Variants in NARS2 observed in about 807,000 individuals in gnomAD.
NARS2 encodes the protein asparaginyl-tRNA synthetase.
NARS2 carries 60 observed loss-of-function variants against 62.9 expected under a neutral mutation model. That is an observed-to-expected ratio of 0.95 (90% CI 0.77 to 1.18). The LOEUF is 1.18. NARS2 is among the 50% of genes most tolerant of loss of function. The probability of loss-of-function intolerance (pLI) is 0.00; values close to 1 mark genes in which losing one functional copy is unlikely to be tolerated. For synonymous variants in NARS2, 196 were observed against 200.0 expected, an observed-to-expected ratio of 0.98 and a Z score of 0.17; for missense variants, 619 against 576.4, an observed-to-expected ratio of 1.07 and a Z score of -0.76.
intron 11 of NARS2, among the ~76,000 whole-genome samples, chr11:78,446,408 T>A (rs1220984576): frequency 1.3e-5 from 2 of 152,240 alleles, no homozygotes; most frequent in African/African-American, 4.8e-5. Context: ...CCTGCAGTTA[T>A]CCCTTCTGTC....
At chr11:78,568,348 G>C (rs1487910924) in intron 3 of NARS2, among the ~76,000 whole-genome samples, 2 of 151,986 alleles carry the variant, frequency 1.3e-5, no homozygotes, top group Non-Finnish European at 2.9e-5. Context: ...CTAAGAATGA[G>C]CCCACCCTGG....
intron 4 of NARS2, among the ~76,000 whole-genome samples, chr11:78,560,761 T>A (rs769031221): frequency 6.6e-6 from 1 of 152,248 alleles, no homozygotes; most frequent in East Asian, 1.9e-4. Context: ...TATTAAAATG[T>A]ACACTTAATC....
intron 6 of NARS2, among the ~76,000 whole-genome samples, chr11:78,520,973 G>A (rs947414364): frequency 1.3e-4 from 20 of 150,668 alleles, no homozygotes; most frequent in African/African-American, 3.7e-4. Flanking sequence ...CAGGAAAATC[G>A]CTTGAACCCG....
intron 11 of NARS2, among the ~76,000 whole-genome samples, chr11:78,450,418 G>C (rs564586112): frequency 6.6e-6 from 1 of 152,236 alleles, no homozygotes; most frequent in East Asian, 1.9e-4. Flanking sequence ...TGGTATGCAG[G>C]AGGAACACAT....
intron 5 of NARS2, among the ~76,000 whole-genome samples, chr11:78,532,017 T>C (rs542662575): frequency 1.3e-5 from 2 of 152,336 alleles, no homozygotes; most frequent in South Asian, 2.1e-4. Flanking sequence ...AAATGCTTAA[T>C]TTTATGACAT....
chr11:78,486,037 G>A (rs766151959), intron 7 of NARS2, among the ~76,000 whole-genome samples: 2 of 152,096 alleles, frequency 1.3e-5, no homozygotes, highest in Non-Finnish European at 2.9e-5. Flanking sequence ...ACCATGCCCA[G>A]CTAATTTTTG....
At chr11:78,486,786 C>T (rs529296704) in intron 7 of NARS2, among the ~76,000 whole-genome samples, 1 of 152,184 alleles carries the variant, frequency 6.6e-6, no homozygotes, top group Non-Finnish European at 1.5e-5. Flanking sequence ...GACACATACA[C>T]ATAGAAGACT....
intron 5 of NARS2, among the ~76,000 whole-genome samples, chr11:78,536,166 G>C (rs918720379): frequency 6.6e-6 from 1 of 152,116 alleles, no homozygotes; most frequent in African/African-American, 2.4e-5. Context: ...CATTACTCAC[G>C]TATTTGTGGT....
chr11:78,556,397 G>A (rs1856354805), intron 5 of NARS2, among the ~76,000 whole-genome samples: 1 of 152,090 alleles, frequency 6.6e-6, no homozygotes, highest in Non-Finnish European at 1.5e-5. Context: ...TGAAAACCAT[G>A]GAACTGTATA....
intron 11 of NARS2, among the ~76,000 whole-genome samples, chr11:78,450,831 C>T (rs908233017): frequency 3.9e-5 from 6 of 152,108 alleles, no homozygotes; most frequent in East Asian, 1.9e-4. Flanking sequence ...CATGCCACCA[C>T]GCCTGGCTAA....
chr11:78,570,644 G>C (rs1218798302), intron 2 of NARS2, among the ~76,000 whole-genome samples: 1 of 152,222 alleles, frequency 6.6e-6, no homozygotes, highest in Non-Finnish European at 1.5e-5. Flanking sequence ...GCCTCCCAAA[G>C]TGCTAGGACT....
At chr11:78,499,918 G>C (rs897211932) in intron 6 of NARS2, among the ~76,000 whole-genome samples, 1 of 152,086 alleles carries the variant, frequency 6.6e-6, no homozygotes, top group South Asian at 2.1e-4. Context: ...ATATAATTTT[G>C]TCAACGGCAC....
At chr11:78,568,397 G>C (rs1411789640) in intron 3 of NARS2, among the ~76,000 whole-genome samples, 1 of 152,140 alleles carries the variant, frequency 6.6e-6, no homozygotes, top group Non-Finnish European at 1.5e-5. Context: ...TGTAAAAGCA[G>C]CAAGTTTTAA....
At chr11:78,455,890 A>G (rs1858144277) in intron 11 of NARS2, among the ~76,000 whole-genome samples, 1 of 151,608 alleles carries the variant, frequency 6.6e-6, no homozygotes, top group Non-Finnish European at 1.5e-5. Flanking sequence ...TACTCGATAA[A>G]CATTATTGTT....
intron 6 of NARS2, among the ~76,000 whole-genome samples, chr11:78,506,225 G>A (rs188135827): frequency 1.6e-4 from 24 of 152,222 alleles, no homozygotes; most frequent in Non-Finnish European, 8.8e-5. Context: ...GGACCAACCG[G>A]CATCCTCATC....
In NARS2 at chr11:78,496,903, GTTTC is replaced by G. The variant is rs575428272; in HGVS notation, c.690-3712_690-3709del. Among the ~76,000 whole-genome samples the G allele has an allele frequency of 2.3e-3, 343 of 152,122 alleles. 2 individuals carry two copies. Among genetic ancestry groups the G allele is most frequent in the Non-Finnish European group, 3.6e-3 (246 of 67,958 alleles). The stretch of plus-strand genomic sequence containing the variant: ...TGGAATCACTTCTATTTTAATTTAT[GTTTC>G]TTTCTTTCTTTTTTCCTATCTTCCA... On this transcript the variant is annotated intron_variant, in intron 6 of 13. Transcript: ENST00000281038.
rs1164448802 is a variant in NARS2, at chr11:78,568,554, C to T, written c.372+78G>A. On this transcript the variant is annotated intron_variant, in intron 3 of 13. Coordinates refer to ENST00000281038, the MANE Select transcript of NARS2 (RefSeq NM_024678.6). ...TGAAATATATTCTAAGTTTCATCTT[C>T]CTAATAATCACACTTAAAACAGATT... The T allele has an allele frequency of 2.1e-6, 3 of 1,455,570 alleles. No individual in the cohort carries two copies. The African/African-American group carries it at 4.3e-5, about 21-fold the overall frequency. 90.2% of individuals were successfully genotyped at this position (1,455,570 alleles called of 1,614,324 possible).
chr11:78,439,378 T>C (rs1857507369), intron 13 of NARS2, among the ~76,000 whole-genome samples: 1 of 152,144 alleles, frequency 6.6e-6, no homozygotes, highest in African/African-American at 2.4e-5. Flanking sequence ...TTTAGCTTTT[T>C]TTAAGGCTAG....
chr11:78,484,557 A>G (rs962449207), intron 7 of NARS2, among the ~76,000 whole-genome samples: 2 of 152,090 alleles, frequency 1.3e-5, no homozygotes, highest in African/African-American at 4.8e-5. Context: ...AAAACAAACA[A>G]CCTCATCAAA....
Sources: allele counts gnomAD v4.1 joint callset (sites outside exome capture counted in the v4.1 genomes callset), GRCh38; gene constraint gnomAD v4.1.1; transcripts MANE v1.5; gene names NCBI Gene and HGNC (gene_info 2026-07-23, HGNC 2026-07-21).